The following TMEM132D variants were observed in gnomAD, a reference collection of about 807,000 sequenced individuals.
The protein encoded by TMEM132D is mature OL transmembrane protein.
A neutral mutation model predicts 62.3 loss-of-function variants in TMEM132D; 21 were observed. The ratio of observed to expected loss-of-function variants is 0.34; its 90% CI spans 0.24 to 0.49. TMEM132D has a LOEUF of 0.49. Ranked by LOEUF, TMEM132D falls within the 20% of genes least tolerant of loss-of-function variation. The probability of loss-of-function intolerance (pLI) is 0.99; values close to 1 mark genes in which losing one functional copy is unlikely to be tolerated. For missense variants in TMEM132D, 1,346 were observed against 1,402.8 expected (o/e 0.96, Z 0.65); for synonymous variants, 621 against 575.6 (o/e 1.08, Z -1.13).
chr12:129,551,616 C>A (rs534866581), intron 2 of TMEM132D, among the ~76,000 whole-genome samples: 1 of 152,310 alleles, frequency 6.6e-6, no homozygotes, highest in Admixed American at 6.5e-5. Context: ...TCAGTTGGGG[C>A]TGCCACCTTT....
chr12:129,223,762 T>C (rs1356363284), intron 4 of TMEM132D, among the ~76,000 whole-genome samples: 2 of 152,204 alleles, frequency 1.3e-5, no homozygotes, highest in Non-Finnish European at 2.9e-5. Context: ...TTTTATACTC[T>C]CAAGGATGAT....
intron 5 of TMEM132D, among the ~76,000 whole-genome samples, chr12:129,102,027 T>G (rs1411265900): frequency 6.9e-6 from 1 of 145,092 alleles, no homozygotes; most frequent in Non-Finnish European, 1.5e-5. Flanking sequence ...TGGAATGGAA[T>G]GAAAATGGAA....
chr12:129,087,228 G>A (rs1378907378), intron 5 of TMEM132D, among the ~76,000 whole-genome samples: 1 of 152,070 alleles, frequency 6.6e-6, no homozygotes, highest in African/African-American at 2.4e-5. Flanking sequence ...TGTAGGATCT[G>A]CCGTTTCGCG....
intron 3 of TMEM132D, among the ~76,000 whole-genome samples, chr12:129,350,911 A>G (rs1249560205): frequency 1.2e-4 from 18 of 152,246 alleles, no homozygotes; most frequent in Admixed American, 1.2e-3. Flanking sequence ...TATGCTATAC[A>G]TGACGAATGA....
At chr12:129,593,266 A>G (rs150222146) in intron 2 of TMEM132D, among the ~76,000 whole-genome samples, 4 of 152,360 alleles carry the variant, frequency 2.6e-5, no homozygotes, top group African/African-American at 9.6e-5. Context: ...TCTTCCTAGC[A>G]CCATCATGGT....
chr12:129,279,847 A>G (rs1259789928), intron 4 of TMEM132D, among the ~76,000 whole-genome samples: 1 of 152,238 alleles, frequency 6.6e-6, no homozygotes, highest in Non-Finnish European at 1.5e-5. Context: ...ACATGACTTC[A>G]TAAAGGACAG....
intron 3 of TMEM132D, among the ~76,000 whole-genome samples, chr12:129,526,944 C>A (rs780409817): frequency 3.3e-5 from 5 of 152,192 alleles, no homozygotes; most frequent in African/African-American, 4.8e-5. Context: ...TGTGGCCAGC[C>A]TTAAGCTTCT....
In TMEM132D at chr12:129,372,675, T is replaced by C. The variant is rs113791816; in HGVS notation, c.1116-34858A>G. On this transcript the variant is annotated intron_variant, in intron 3 of 8. Coordinates refer to ENST00000422113, the MANE Select transcript of TMEM132D (RefSeq NM_133448.3). ...GTGCAAACTATGCATGTGAGGGATC[T>C]AGGTTGTGTGCTCCTTATGAGAATC... is the stretch of plus-strand genomic sequence containing the variant. Among the ~76,000 whole-genome samples the C allele has an allele frequency of 3.0e-3, 460 of 152,084 alleles. 5 individuals are homozygous for C. Among genetic ancestry groups the C allele is most frequent in the African/African-American group, 0.01 (433 of 41,490 alleles).
At chr12:129,409,563 A>G (rs1486240351) in intron 3 of TMEM132D, among the ~76,000 whole-genome samples, 1 of 152,214 alleles carries the variant, frequency 6.6e-6, no homozygotes, top group East Asian at 1.9e-4. Context: ...TGGGTGAATC[A>G]TTCGTGTAAA....
intron 4 of TMEM132D, among the ~76,000 whole-genome samples, chr12:129,284,832 T>C (rs1356275412): frequency 2.6e-5 from 4 of 152,236 alleles, no homozygotes; most frequent in African/African-American, 7.2e-5. Flanking sequence ...GGTTGCATAT[T>C]GTGTGATTCA....
chr12:129,087,148 C>T (rs1441918117), intron 5 of TMEM132D, among the ~76,000 whole-genome samples: 1 of 152,134 alleles, frequency 6.6e-6, no homozygotes, highest in African/African-American at 2.4e-5. Flanking sequence ...ACCCACTTCC[C>T]AGCTCCTGGA....
At chr12:129,695,723 G>C (rs1881190257) in intron 2 of TMEM132D, among the ~76,000 whole-genome samples, 1 of 152,232 alleles carries the variant, frequency 6.6e-6, no homozygotes, top group Admixed American at 6.5e-5. Flanking sequence ...CTAGTAGACA[G>C]GTGATTCAGC....
intron 4 of TMEM132D, among the ~76,000 whole-genome samples, chr12:129,330,960 T>C (rs974032097): frequency 6.6e-6 from 1 of 152,144 alleles, no homozygotes; most frequent in Non-Finnish European, 1.5e-5. Context: ...AAACACATGA[T>C]CTCAGCCAGC....
chr12:129,490,790 T>G (rs1224242555), intron 3 of TMEM132D, among the ~76,000 whole-genome samples: 1 of 151,720 alleles, frequency 6.6e-6, no homozygotes, highest in Non-Finnish European at 1.5e-5. Context: ...TGGTGACCCA[T>G]GACCTCAGTC....
chr12:129,118,141 T>C (rs1292760161), intron 5 of TMEM132D, among the ~76,000 whole-genome samples: 1 of 152,232 alleles, frequency 6.6e-6, no homozygotes, highest in Non-Finnish European at 1.5e-5. Context: ...CCCCTAAAAA[T>C]ACAGCTCAGA....
intron 3 of TMEM132D, among the ~76,000 whole-genome samples, chr12:129,511,542 T>C (rs1002337316): frequency 1.4e-4 from 21 of 152,348 alleles, no homozygotes; most frequent in African/African-American, 4.6e-4. Context: ...TGGTAACTCA[T>C]TGTAGTGGAC....
At chr12:129,267,434 A>G (rs1880727041) in intron 4 of TMEM132D, among the ~76,000 whole-genome samples, 1 of 152,192 alleles carries the variant, frequency 6.6e-6, no homozygotes, top group African/African-American at 2.4e-5. Context: ...CCCATTCACA[A>G]TTGCTTCAAA....
chr12:129,543,312 A>G (rs1488429525), intron 2 of TMEM132D, among the ~76,000 whole-genome samples: 15 of 125,068 alleles, frequency 1.2e-4, no homozygotes, highest in Middle Eastern at 4.4e-3. Flanking sequence ...GTGGATGGAT[A>G]GATGGATGGA....
chr12:129,667,024 T>A lies in TMEM132D; in HGVS notation c.968+32786A>T, dbSNP rs576330071. Among the ~76,000 whole-genome samples, 8 of 152,254 alleles carry A rather than the reference T, an allele frequency of 5.3e-5. No homozygotes were observed. The South Asian group carries it at 1.7e-3, about 32-fold the overall frequency. On this transcript the variant is annotated intron_variant, in intron 2 of 8. Coordinates refer to ENST00000422113, the MANE Select transcript of TMEM132D (RefSeq NM_133448.3). ...ATCTTATAAAAAAATTCTGTGGGTA[T>A]AAACAAGGTGGCTAAGATTTAAAAG... is the stretch of plus-strand genomic sequence containing the variant.
Sources: gnomAD v4.1 joint callset for allele counts (sites outside exome capture counted in the v4.1 genomes callset) on GRCh38, gnomAD v4.1.1 for gene constraint, MANE v1.5 for transcripts, NCBI Gene and HGNC (gene_info 2026-07-23, HGNC 2026-07-21) for gene names.